The following SCTR variants were observed in gnomAD, a reference collection of about 807,000 sequenced individuals.
SCTR encodes pancreatic secretin receptor.
In SCTR, 56 loss-of-function variants were observed where a neutral mutation model predicts 60.8. The ratio of observed to expected loss-of-function variants is 0.92; its 90% CI spans 0.74 to 1.15. The LOEUF (loss-of-function observed/expected upper bound fraction) is 1.15, where lower values mean the gene tolerates loss of function less well. SCTR is among the 50% of genes most tolerant of loss of function. The probability of loss-of-function intolerance (pLI) is 0.00; values close to 1 mark genes in which losing one functional copy is unlikely to be tolerated. For missense variants in SCTR, 562 were observed against 550.4 expected (o/e 1.02, Z -0.21); for synonymous variants, 202 against 217.0 (o/e 0.93, Z 0.61).
intron 1 of SCTR, among the ~76,000 whole-genome samples, chr2:119,496,690 G>C (rs1558873798): frequency 6.6e-6 from 1 of 152,186 alleles, no homozygotes. Context: ...AGCACTGCCA[G>C]ATAGTGACAA....
At chr2:119,514,601 T>G (rs1468559485) in intron 1 of SCTR, among the ~76,000 whole-genome samples, 5 of 152,082 alleles carry the variant, frequency 3.3e-5, no homozygotes, top group African/African-American at 1.2e-4. Context: ...AAAGGCTGGG[T>G]GCAGTGGCTC....
chr2:119,452,824 C>T (rs1008676876), intron 8 of SCTR, among the ~76,000 whole-genome samples: 12 of 152,138 alleles, frequency 7.9e-5, no homozygotes, highest in African/African-American at 2.9e-4. Flanking sequence ...GCTTGCTTCC[C>T]ATGTACCTAC....
intron 9 of SCTR, 64 bp downstream of exon 9, chr2:119,451,946 G>C: frequency 9.8e-7 from 1 of 1,015,846 alleles, no homozygotes; most frequent in East Asian, 2.4e-5. Flanking sequence ...CTCTGCCCCT[G>C]TGGGCTGGTC....
intron 6 of SCTR, 47 bp from the exon 7 acceptor site, chr2:119,462,047 T>A: frequency 6.4e-7 from 1 of 1,565,192 alleles, no homozygotes; most frequent in Non-Finnish European, 8.7e-7. Context: ...GCAGTGGGGT[T>A]CCCTCTGGTG....
At chr2:119,516,327 C>T (rs1170362449) in intron 1 of SCTR, among the ~76,000 whole-genome samples, 1 of 152,090 alleles carries the variant, frequency 6.6e-6, no homozygotes, top group Non-Finnish European at 1.5e-5. Flanking sequence ...ACGTGTCTCT[C>T]AACAGATGAA....
At chr2:119,458,491 C>A (rs1346929653) in intron 7 of SCTR, among the ~76,000 whole-genome samples, 1 of 151,802 alleles carries the variant, frequency 6.6e-6, no homozygotes, top group Non-Finnish European at 1.5e-5. Context: ...ATCCCAGCTA[C>A]TCAGGAGGCT....
chr2:119,466,618 G>C (rs1476258856), intron 4 of SCTR, among the ~76,000 whole-genome samples: 2 of 152,094 alleles, frequency 1.3e-5, no homozygotes, highest in South Asian at 2.1e-4. Flanking sequence ...CAGGCACAAT[G>C]GTGCACACAT....
chr2:119,477,986 G>A (rs1677411754), intron 3 of SCTR, among the ~76,000 whole-genome samples: 1 of 152,256 alleles, frequency 6.6e-6, no homozygotes, highest in East Asian at 1.9e-4. Flanking sequence ...GAATTATGGT[G>A]AGAAGAATCT....
At chr2:119,494,570 T>G in intron 1 of SCTR, 22 bp from the exon 2 acceptor site, 1 of 1,612,716 alleles carries the variant, frequency 6.2e-7, no homozygotes, top group Non-Finnish European at 8.5e-7. Flanking sequence ...AAACCAGGGA[T>G]GCTCATCATT....
chr2:119,493,305 G>A (rs564877810), intron 2 of SCTR, among the ~76,000 whole-genome samples: 4 of 152,202 alleles, frequency 2.6e-5, no homozygotes, highest in East Asian at 3.9e-4. Flanking sequence ...TTATCCATTC[G>A]TCAGTTGATG....
chr2:119,454,678 A>G (rs1407071969), intron 7 of SCTR, among the ~76,000 whole-genome samples: 1 of 151,902 alleles, frequency 6.6e-6, no homozygotes, highest in Non-Finnish European at 1.5e-5. Context: ...ACATGGCAAA[A>G]CCCTGTCTCT....
chr2:119,481,354 A>G (rs1024631996), intron 2 of SCTR, among the ~76,000 whole-genome samples: 7 of 152,208 alleles, frequency 4.6e-5, no homozygotes, highest in Admixed American at 4.6e-4. Context: ...CCATTGCAGA[A>G]GTGTGACCCT....
At chr2:119,465,565 C>T (rs937862875) in intron 5 of SCTR, among the ~76,000 whole-genome samples, 1 of 152,086 alleles carries the variant, frequency 6.6e-6, no homozygotes, top group African/African-American at 2.4e-5. Context: ...ACATATAAAG[C>T]GACCGGCCGC....
Position 119,441,585 on chromosome 2 carries a change from G to T in SCTR, c.1155C>A (p.Ala385=). The T allele has an allele frequency of 6.2e-7, 1 of 1,613,106 alleles. No individual in the cohort carries two copies. ...ALGSFQGLVV[A]VLYCFLNGEV... ...CCCCATTGAGGAAGCAGTAGAGGACGGCCACCACCAGTCCCTGCCAGAAGA... is the reference window on the plus strand; with the variant it reads ...CCCCATTGAGGAAGCAGTAGAGGACTGCCACCACCAGTCCCTGCCAGAAGA... The change falls in exon 12 of 13, where the codon GCC becomes GCA. Residue 385 remains alanine (A), a synonymous_variant. Transcript: ENST00000019103.
chr2:119,497,617 C>A (rs906744028), intron 1 of SCTR, among the ~76,000 whole-genome samples: 18 of 149,176 alleles, frequency 1.2e-4, no homozygotes, highest in African/African-American at 2.8e-4. Context: ...GGAAGGAAGG[C>A]AGGAAGGCAG....
rs950706830 is a variant in SCTR at position 119,465,845 on chromosome 2, G to A, written c.447C>T (p.Gly149=). The part of the protein sequence containing the change: ...LLKLKVMYTV[G]YSSSLVMLLV... ...GGAGCATGACCAGGGAGGAGCTGTAGCCCACGGTGTACATGACTTTCAGCT... is the reference window on the plus strand; with the variant it reads ...GGAGCATGACCAGGGAGGAGCTGTAACCCACGGTGTACATGACTTTCAGCT... The change falls in exon 5 of 13, where the codon GGC becomes GGT. Residue 149 remains glycine, a synonymous_variant. Coordinates refer to ENST00000019103, the MANE Select transcript of SCTR (RefSeq NM_002980.3). 7 of 1,613,968 alleles carry A rather than the reference G, an allele frequency of 4.3e-6. No homozygotes were observed. The highest frequency in any genetic ancestry group is 5.9e-6 in the Non-Finnish European group (7 of 1,179,964).
chr2:119,481,277 C>G (rs78435368), intron 2 of SCTR, among the ~76,000 whole-genome samples: 1 of 152,196 alleles, frequency 6.6e-6, no homozygotes, highest in African/African-American at 2.4e-5. Context: ...TCTGACCAGA[C>G]CCAAAGCATC....
intron 11 of SCTR, among the ~76,000 whole-genome samples, chr2:119,444,504 C>T (rs111214547): frequency 0.64 from 6,571 of 10,220 alleles, 2,551 homozygotes; most frequent in African/African-American, 0.75. Context: ...TATATACGTA[C>T]GTATATATAT....
Position 119,461,983 on chromosome 2 carries a change from G to T in SCTR, c.654C>A (p.Val218=). 1 of 1,606,100 alleles carries T rather than the reference G, an allele frequency of 6.2e-7. No homozygotes were observed. Among genetic ancestry groups the T allele is most frequent in the Non-Finnish European group, 8.5e-7 (1 of 1,176,188 alleles). The change falls in exon 7 of 13, where the codon GTC becomes GTA. Residue 218 remains valine, a synonymous_variant. Transcript: ENST00000019103. ...CDAHRAGCKL[V]MVLFQYCIMA... ...TGATGCAGTACTGGAACAGCACCATGACCAGCTTGCAGCCCGCCTGGAGAG... is the reference window on the plus strand; with the variant it reads ...TGATGCAGTACTGGAACAGCACCATTACCAGCTTGCAGCCCGCCTGGAGAG...
Sources: gnomAD v4.1 joint callset for allele counts (sites outside exome capture counted in the v4.1 genomes callset) on GRCh38, gnomAD v4.1.1 for gene constraint, MANE v1.5 for transcripts, NCBI Gene and HGNC (gene_info 2026-07-23, HGNC 2026-07-21) for gene names.